PCDH15: variants seen among roughly 807,000 people sequenced by gnomAD.
PCDH15 encodes protocadherin-15.
Under a neutral mutation model 178.5 loss-of-function variants are expected in PCDH15, and 129 were observed. That is an observed-to-expected ratio of 0.72 (90% CI 0.63 to 0.84). The LOEUF (loss-of-function observed/expected upper bound fraction) is 0.84. Among genes scored for constraint, PCDH15 ranks in the 40% least tolerant of loss-of-function variants. PCDH15 has a pLI of 0.00. For missense variants in PCDH15, 2,230 were observed against 2,099.9 expected (o/e 1.06, Z -1.21); for synonymous variants, 800 against 732.0 (o/e 1.09, Z -1.50).
chr10:54,708,314 G>A (rs186039643), intron 1 of PCDH15, among the ~76,000 whole-genome samples: 1 of 152,214 alleles, frequency 6.6e-6, no homozygotes, highest in Admixed American at 6.5e-5. Flanking sequence ...AAGATAAAAA[G>A]CAAAAGGTCA....
intron 1 of PCDH15, among the ~76,000 whole-genome samples, chr10:55,179,225 C>T (rs531966629): frequency 1.3e-5 from 2 of 152,124 alleles, no homozygotes; most frequent in African/African-American, 2.4e-5. Context: ...AAAACAATTC[C>T]CCCCGTCGGC....
chr10:55,096,358 G>A (rs1170019522), intron 2 of PCDH15, among the ~76,000 whole-genome samples: 1 of 152,054 alleles, frequency 6.6e-6, no homozygotes, highest in East Asian at 1.9e-4. Flanking sequence ...CACTCAATCA[G>A]TATAATTTTC....
At chr10:55,167,378 G>A (rs1839223768) in intron 1 of PCDH15, among the ~76,000 whole-genome samples, 1 of 152,082 alleles carries the variant, frequency 6.6e-6, no homozygotes, top group Non-Finnish European at 1.5e-5. Context: ...GGCCTCCAAA[G>A]GTGCTGGGCT....
chr10:55,305,002 T>C (rs1181546220), intron 1 of PCDH15, among the ~76,000 whole-genome samples: 5 of 152,218 alleles, frequency 3.3e-5, no homozygotes, highest in South Asian at 2.1e-4. Flanking sequence ...CATAAAACCA[T>C]AGGGCTTAAG....
chr10:55,483,451 A>G (rs760200034), intron 2 of PCDH15, among the ~76,000 whole-genome samples: 2 of 151,828 alleles, frequency 1.3e-5, no homozygotes, highest in Admixed American at 6.6e-5. Flanking sequence ...AATGGTCATT[A>G]AAAATAAAAA....
intron 1 of PCDH15, among the ~76,000 whole-genome samples, chr10:54,677,584 T>G (rs1398085820): frequency 6.6e-6 from 1 of 152,100 alleles, no homozygotes; most frequent in Non-Finnish European, 1.5e-5. Flanking sequence ...TAAAATACCG[T>G]AAATAAATAA....
intron 2 of PCDH15, among the ~76,000 whole-genome samples, chr10:54,578,770 A>G (rs1392100693): frequency 6.6e-6 from 1 of 152,164 alleles, no homozygotes; most frequent in Non-Finnish European, 1.5e-5. Context: ...TAAGTCATAT[A>G]CAAAGGGAAC....
At chr10:55,370,525 A>G (rs556356231) in intron 2 of PCDH15, among the ~76,000 whole-genome samples, 2 of 152,212 alleles carry the variant, frequency 1.3e-5, no homozygotes, top group Admixed American at 1.3e-4. Flanking sequence ...TGGTTTTGCA[A>G]CCAACTGTTC....
chr10:54,648,713 T>C (rs537480076), intron 2 of PCDH15, among the ~76,000 whole-genome samples: 3 of 152,202 alleles, frequency 2.0e-5, no homozygotes, highest in Non-Finnish European at 2.9e-5. Context: ...AGAAACCTGA[T>C]GTTAGCATAA....
intron 2 of PCDH15, among the ~76,000 whole-genome samples, chr10:54,928,575 A>G (rs1455990516): frequency 6.6e-6 from 1 of 152,134 alleles, no homozygotes; most frequent in African/African-American, 2.4e-5. Context: ...CAGGGACACC[A>G]ATGAGTCATA....
intron 2 of PCDH15, among the ~76,000 whole-genome samples, chr10:55,056,246 G>T (rs1841299214): frequency 6.6e-6 from 1 of 152,044 alleles, no homozygotes; most frequent in Admixed American, 6.6e-5. Flanking sequence ...AAACATTAAA[G>T]CCAATTAATA....
intron 2 of PCDH15, among the ~76,000 whole-genome samples, chr10:55,095,398 A>G (rs887792737): frequency 4.6e-5 from 7 of 152,068 alleles, no homozygotes; most frequent in African/African-American, 1.7e-4. Flanking sequence ...TTTTCTCTCA[A>G]TTTAGTGGTA....
chr10:54,120,975 C>T (rs1220806783), intron 15 of PCDH15, among the ~76,000 whole-genome samples: 3 of 151,868 alleles, frequency 2.0e-5, no homozygotes, highest in African/African-American at 7.3e-5. Context: ...CACCCATGCA[C>T]CACAGAATAT....
chr10:54,094,637 T>TA (rs1450508964), intron 15 of PCDH15, among the ~76,000 whole-genome samples: 1 of 152,170 alleles, frequency 6.6e-6, no homozygotes, highest in Non-Finnish European at 1.5e-5. Context: ...GTTAAACGAA[T>TA]AAATGATGTG....
At chr10:55,092,678 A>G (rs568540417) in intron 2 of PCDH15, among the ~76,000 whole-genome samples, 1 of 152,096 alleles carries the variant, frequency 6.6e-6, no homozygotes, top group South Asian at 2.1e-4. Flanking sequence ...GAATGCACCA[A>G]TAAAAACTTA....
chr10:54,277,038 G>C (rs1458860891), intron 8 of PCDH15, among the ~76,000 whole-genome samples: 3 of 151,574 alleles, frequency 2.0e-5, no homozygotes, highest in Non-Finnish European at 4.4e-5. Context: ...TGGAAATTCA[G>C]CACGTTTTTT....
chr10:55,553,959 C>G (rs1233511505), intron 2 of PCDH15, among the ~76,000 whole-genome samples: 1 of 151,890 alleles, frequency 6.6e-6, no homozygotes, highest in Admixed American at 6.6e-5. Flanking sequence ...GAACCAGAAC[C>G]AAGTTTTAAC....
intron 2 of PCDH15, among the ~76,000 whole-genome samples, chr10:54,931,717 A>G (rs150137255): frequency 1.9e-3 from 293 of 152,280 alleles, no homozygotes; most frequent in African/African-American, 6.6e-3. Context: ...CATTTTTGCA[A>G]GTTTTATAAT....
chr10:55,428,214 C>A (rs148523534), intron 2 of PCDH15, among the ~76,000 whole-genome samples: 36 of 151,948 alleles, frequency 2.4e-4, no homozygotes, highest in African/African-American at 7.5e-4. Flanking sequence ...CATTCTTTAT[C>A]CTTAATAATT....
Sources: allele counts gnomAD v4.1 joint callset (sites outside exome capture counted in the v4.1 genomes callset), GRCh38; gene constraint gnomAD v4.1.1; transcripts MANE v1.5; gene names NCBI Gene and HGNC (gene_info 2026-07-23, HGNC 2026-07-21).